The following SPOCK3 variants were observed in gnomAD, a reference collection of about 807,000 sequenced individuals.
The protein encoded by SPOCK3 is testican-3.
SPOCK3 carries 30 observed loss-of-function variants against 56.6 expected under a neutral mutation model. The ratio of observed to expected loss-of-function variants is 0.53; its 90% CI spans 0.40 to 0.72. The LOEUF (loss-of-function observed/expected upper bound fraction) is 0.72, where lower values mean the gene tolerates loss of function less well. SPOCK3 is among the 30% of genes least tolerant of loss of function. The probability of loss-of-function intolerance (pLI) is 0.00; values close to 1 mark genes in which losing one functional copy is unlikely to be tolerated. For missense variants in SPOCK3, 527 were observed against 530.0 expected, an observed-to-expected ratio of 0.99 and a Z score of 0.06; for synonymous variants, 196 against 183.3, an observed-to-expected ratio of 1.07 and a Z score of -0.56.
In SPOCK3 at chr4:166,754,639, T is replaced by A; in HGVS notation, c.800A>T (p.Gln267Leu). ...LDTNYDLLLD[Q>L]SELRSIYLDK... ...AAGGTAAATGCTTCTGAGCTCTGAC[T>A]GGTCCAATAGCAGGTCATAGTTTGT... The change falls in exon 8 of 11, where the codon CAG becomes CTG. Residue 267 changes from glutamine (Q) to leucine (L), a missense_variant. Physicochemically the swap from Gln to Leu is moderately radical, Grantham distance 113. Coordinates refer to ENST00000357545, the MANE Select transcript of SPOCK3 (RefSeq NM_001040159.2). 6.2e-7 allele frequency: 1 copy of A among 1,613,752 alleles called. No individual in the cohort carries two copies. The highest frequency in any genetic ancestry group is 8.5e-7 in the Non-Finnish European group (1 of 1,179,766).
At chr4:166,860,596 G>A (rs1731124874) in intron 6 of SPOCK3, among the ~76,000 whole-genome samples, 1 of 151,496 alleles carries the variant, frequency 6.6e-6, no homozygotes, top group Admixed American at 6.6e-5. Context: ...ATCAAGGAGT[G>A]CAAATGATGT....
At chr4:167,209,879 G>A (rs1327305799) in intron 2 of SPOCK3, among the ~76,000 whole-genome samples, 1 of 152,042 alleles carries the variant, frequency 6.6e-6, no homozygotes, top group Non-Finnish European at 1.5e-5. Flanking sequence ...AACTTAATGG[G>A]AATTCCTTAT....
intron 3 of SPOCK3, among the ~76,000 whole-genome samples, chr4:167,045,687 A>G (rs1018676567): frequency 1.3e-5 from 2 of 152,094 alleles, no homozygotes; most frequent in African/African-American, 4.8e-5. Flanking sequence ...TAGTGCAAGT[A>G]CCTTACAATA....
intron 2 of SPOCK3, among the ~76,000 whole-genome samples, chr4:167,174,601 T>A (rs1183754478): frequency 6.6e-6 from 1 of 152,012 alleles, no homozygotes; most frequent in African/African-American, 2.4e-5. Context: ...TGGCTTGGAA[T>A]CAAGAGATGA....
At chr4:166,967,576 A>T (rs1744878454) in intron 4 of SPOCK3, among the ~76,000 whole-genome samples, 1 of 152,106 alleles carries the variant, frequency 6.6e-6, no homozygotes, top group South Asian at 2.1e-4. Flanking sequence ...CCTCCCCTTC[A>T]GCCTTCCACC....
intron 4 of SPOCK3, among the ~76,000 whole-genome samples, chr4:166,998,498 G>C (rs143342486): frequency 1.1e-4 from 16 of 152,020 alleles, no homozygotes; most frequent in African/African-American, 3.9e-4. Context: ...TAGACTCTGG[G>C]GTCGATCAGT....
intron 2 of SPOCK3, among the ~76,000 whole-genome samples, chr4:167,204,835 ATTT>A (rs1247622990): frequency 6.6e-6 from 1 of 151,328 alleles, no homozygotes; most frequent in Non-Finnish European, 1.5e-5. Flanking sequence ...ATATTTATTT[ATTT>A]ATTAGAAATC....
intron 2 of SPOCK3, among the ~76,000 whole-genome samples, chr4:167,201,678 CT>C (rs796214169): frequency 0.023 from 3,302 of 146,386 alleles, 122 homozygotes; most frequent in African/African-American, 0.075. Flanking sequence ...AAGAAATCAC[CT>C]TTTTTTTTTT....
In SPOCK3 at chr4:167,123,962, G is replaced by C. The variant is rs965679794; in HGVS notation, c.190-61425C>G. 7.2e-5 allele frequency among the ~76,000 whole-genome samples: 11 copies of C among 152,022 alleles called. No individual in the cohort carries two copies. The South Asian group carries it at 8.3e-4, about 11-fold the overall frequency. ...GGGTTTCACCATGTTGGCCAGGCTGGTCTCGAACTCCTGACCTCGTGATCT... is the reference window on the plus strand; with the variant it reads ...GGGTTTCACCATGTTGGCCAGGCTGCTCTCGAACTCCTGACCTCGTGATCT... On this transcript the variant is annotated intron_variant, in intron 2 of 10. Coordinates refer to ENST00000357545, the MANE Select transcript of SPOCK3 (RefSeq NM_001040159.2).
At chr4:167,107,830 T>G (rs1369742142) in intron 2 of SPOCK3, among the ~76,000 whole-genome samples, 2 of 151,832 alleles carry the variant, frequency 1.3e-5, no homozygotes, top group Non-Finnish European at 2.9e-5. Flanking sequence ...AATTAAAAAG[T>G]AACCCCATTT....
At chr4:166,848,515 C>G (rs1748335216) in intron 6 of SPOCK3, among the ~76,000 whole-genome samples, 1 of 152,174 alleles carries the variant, frequency 6.6e-6, no homozygotes, top group Non-Finnish European at 1.5e-5. Context: ...AAAGCATTCC[C>G]TTTTGAAATC....
intron 2 of SPOCK3, among the ~76,000 whole-genome samples, chr4:167,219,604 A>C (rs1253056099): frequency 6.6e-6 from 1 of 152,186 alleles, no homozygotes; most frequent in Admixed American, 6.5e-5. Flanking sequence ...ACTTATGCTA[A>C]GAATAAAGAA....
intron 2 of SPOCK3, among the ~76,000 whole-genome samples, chr4:167,204,784 G>T (rs1348107343): frequency 2.0e-5 from 3 of 151,514 alleles, no homozygotes; most frequent in African/African-American, 7.3e-5. Context: ...GGGGGGCGAC[G>T]GGTCTTTGTT....
Position 166,942,486 on chromosome 4 carries a change from AC to A in SPOCK3, c.351-29744del, listed in dbSNP as rs371548147. Among the ~76,000 whole-genome samples, 71 of 142,514 alleles carry A rather than the reference AC, an allele frequency of 5.0e-4. 1 individual carries two copies. The highest frequency in any genetic ancestry group is 3.1e-3 in the East Asian group (16 of 5,168). The allele number at this position is 142,514 out of a possible 152,430, so 93.5% of individuals were successfully genotyped here. A position where few individuals can be genotyped will look rare whatever the true frequency, so the allele number is the denominator to read the frequency against. On this transcript the variant is annotated intron_variant, in intron 4 of 10. Transcript: ENST00000357545. Reference sequence around the variant, plus strand: ...GGCCTCCACTTAAAAAAAAAAAAAAACAAAAGTTAAAAAAAAAACACAAAAG... The same window carrying A: ...GGCCTCCACTTAAAAAAAAAAAAAAAAAAAGTTAAAAAAAAAACACAAAAG...
chr4:166,747,245 G>C (rs1158624109), intron 8 of SPOCK3, among the ~76,000 whole-genome samples: 2 of 152,194 alleles, frequency 1.3e-5, no homozygotes, highest in Middle Eastern at 3.4e-3. Flanking sequence ...GTAAAATACT[G>C]GCAAACCGAA....
intron 4 of SPOCK3, among the ~76,000 whole-genome samples, chr4:166,941,840 C>T (rs910019246): frequency 6.6e-6 from 1 of 152,144 alleles, no homozygotes; most frequent in Non-Finnish European, 1.5e-5. Context: ...TGTGATGAGC[C>T]TGGATGTGAA....
intron 4 of SPOCK3, among the ~76,000 whole-genome samples, chr4:166,951,163 G>C (rs1422758567): frequency 1.4e-5 from 2 of 143,256 alleles, no homozygotes; most frequent in Non-Finnish European, 3.0e-5. Context: ...TTTTTGAAAG[G>C]ATCAACAAAA....
intron 2 of SPOCK3, among the ~76,000 whole-genome samples, chr4:167,126,308 G>C (rs990899704): frequency 6.6e-6 from 1 of 152,114 alleles, no homozygotes; most frequent in Admixed American, 6.5e-5. Flanking sequence ...AGCACTTTGG[G>C]AGGCCAAGGT....
In SPOCK3 at chr4:166,952,063, G is replaced by T. The variant is rs770749356; in HGVS notation, c.351-39320C>A. On this transcript the variant is annotated intron_variant, in intron 4 of 10. Transcript: ENST00000357545. Reference sequence around the variant, plus strand: ...TCTCTCACCACTCCTATTCAACATAGTGTTGGAGATTCTGGCCAGGGCAAT... The same window carrying T: ...TCTCTCACCACTCCTATTCAACATATTGTTGGAGATTCTGGCCAGGGCAAT... Among the ~76,000 whole-genome samples, 88 of 152,168 alleles carry T rather than the reference G, an allele frequency of 5.8e-4. 1 individual carries two copies. The highest frequency in any genetic ancestry group is 5.1e-4 in the Non-Finnish European group (35 of 68,028).
Sources: gnomAD v4.1 joint callset for allele counts (sites outside exome capture counted in the v4.1 genomes callset) on GRCh38, gnomAD v4.1.1 for gene constraint, MANE v1.5 for transcripts, NCBI Gene and HGNC (gene_info 2026-07-23, HGNC 2026-07-21) for gene names.